SCFD2: variants seen among roughly 807,000 people sequenced by gnomAD.
SCFD2 encodes the protein sec1 family domain-containing protein 2.
In SCFD2, 54 loss-of-function variants were observed where a neutral mutation model predicts 58.9. That is an observed-to-expected ratio of 0.92 (90% CI 0.74 to 1.15). The LOEUF (loss-of-function observed/expected upper bound fraction) is 1.15. SCFD2 is among the 50% of genes most tolerant of loss of function. The pLI, the probability that SCFD2 is intolerant of heterozygous loss-of-function variation, is 0.00. For missense variants in SCFD2, 805 were observed against 836.6 expected (o/e 0.96, Z 0.47); for synonymous variants, 321 against 335.9 (o/e 0.96, Z 0.49).
At chr4:53,266,814 G>C (rs1267582392) in intron 4 of SCFD2, among the ~76,000 whole-genome samples, 1 of 152,208 alleles carries the variant, frequency 6.6e-6, no homozygotes, top group East Asian at 1.9e-4. Flanking sequence ...GAGAAAAAAG[G>C]AGTCATGAAG....
intron 1 of SCFD2, among the ~76,000 whole-genome samples, chr4:53,363,432 A>G (rs1734603888): frequency 6.6e-6 from 1 of 152,016 alleles, no homozygotes; most frequent in Admixed American, 6.6e-5. Context: ...TACAGGCATG[A>G]GCCACTGTGC....
intron 5 of SCFD2, among the ~76,000 whole-genome samples, chr4:53,094,047 G>A (rs1045584273): frequency 2.0e-5 from 3 of 152,102 alleles, no homozygotes; most frequent in Admixed American, 6.6e-5. Flanking sequence ...AAAGTTACAA[G>A]GATGTAGGTT....
chr4:52,959,237 A>T (rs917661756), intron 5 of SCFD2, among the ~76,000 whole-genome samples: 1 of 152,174 alleles, frequency 6.6e-6, no homozygotes, highest in Non-Finnish European at 1.5e-5. Flanking sequence ...GATGTTCAAC[A>T]GGTCACTGCA....
At chr4:52,941,223 G>A (rs1720284946) in intron 5 of SCFD2, among the ~76,000 whole-genome samples, 1 of 152,100 alleles carries the variant, frequency 6.6e-6, no homozygotes, top group South Asian at 2.1e-4. Flanking sequence ...AGTTTCTAGG[G>A]GATGTAATGG....
intron 4 of SCFD2, among the ~76,000 whole-genome samples, chr4:53,185,897 T>C (rs1248228584): frequency 1.3e-5 from 2 of 152,114 alleles, no homozygotes; most frequent in Non-Finnish European, 2.9e-5. Context: ...AGATGCAACA[T>C]GGATAACTTT....
intron 6 of SCFD2, among the ~76,000 whole-genome samples, chr4:52,912,472 C>A (rs1404461907): frequency 3.3e-5 from 5 of 151,680 alleles, no homozygotes; most frequent in Non-Finnish European, 7.4e-5. Flanking sequence ...AATATTAATT[C>A]ATAGAGAAGT....
chr4:53,099,325 T>C (rs563312727), intron 5 of SCFD2, among the ~76,000 whole-genome samples: 170 of 152,334 alleles, frequency 1.1e-3, no homozygotes, highest in African/African-American at 3.8e-3. Flanking sequence ...TAAGTTATCA[T>C]TACATTCCTT....
At chr4:53,338,613 C>G (rs1386702939) in intron 2 of SCFD2, among the ~76,000 whole-genome samples, 1 of 61,252 alleles carries the variant, frequency 1.6e-5, no homozygotes, top group Non-Finnish European at 3.3e-5. Context: ...TGGAGTCTCG[C>G]TCTGTCGCCC....
At chr4:53,164,802 A>C (rs905327604) in intron 4 of SCFD2, among the ~76,000 whole-genome samples, 5 of 148,534 alleles carry the variant, frequency 3.4e-5, no homozygotes, top group African/African-American at 1.3e-4. Flanking sequence ...AAAAAAAAAA[A>C]AAAAGAAGAA....
chr4:53,135,465 G>A (rs924074538), intron 5 of SCFD2, among the ~76,000 whole-genome samples: 5 of 152,206 alleles, frequency 3.3e-5, no homozygotes, highest in African/African-American at 9.7e-5. Context: ...GCTAGGCGTG[G>A]TGGCTCACGC....
At chr4:53,252,965 G>C (rs978950655) in intron 4 of SCFD2, among the ~76,000 whole-genome samples, 1 of 152,026 alleles carries the variant, frequency 6.6e-6, no homozygotes, top group Non-Finnish European at 1.5e-5. Flanking sequence ...TACAAAATGG[G>C]AGAAAATTTT....
chr4:52,938,948 G>T (rs765921948), intron 5 of SCFD2, among the ~76,000 whole-genome samples: 4 of 152,142 alleles, frequency 2.6e-5, no homozygotes, highest in Non-Finnish European at 4.4e-5. Flanking sequence ...AGGGACATGT[G>T]CCACTTCTGA....
chr4:52,920,348 T>C (rs570844669), intron 6 of SCFD2, among the ~76,000 whole-genome samples: 11 of 152,364 alleles, frequency 7.2e-5, no homozygotes, highest in African/African-American at 2.6e-4. Context: ...TCAAAATGTT[T>C]ACGGACTGGT....
intron 7 of SCFD2, among the ~76,000 whole-genome samples, chr4:52,905,864 C>T (rs1311709150): frequency 6.6e-6 from 1 of 152,152 alleles, no homozygotes; most frequent in African/African-American, 2.4e-5. Context: ...CAAACAGTGA[C>T]AGAAAATGCA....
chr4:53,066,850 G>T (rs75069397), intron 5 of SCFD2, among the ~76,000 whole-genome samples: 4,665 of 152,048 alleles, frequency 0.031, 86 homozygotes, highest in Middle Eastern at 0.078. Flanking sequence ...CACAGCACTT[G>T]TCACAGCAGC....
At chr4:53,091,333 C>T (rs1206359957) in intron 5 of SCFD2, among the ~76,000 whole-genome samples, 1 of 150,262 alleles carries the variant, frequency 6.7e-6, no homozygotes, top group Non-Finnish European at 1.5e-5. Flanking sequence ...AAAGAATTAA[C>T]TCTCAGCACC....
intron 4 of SCFD2, among the ~76,000 whole-genome samples, chr4:53,222,827 G>GT (rs1476382556): frequency 2.0e-5 from 3 of 152,190 alleles, no homozygotes; most frequent in Non-Finnish European, 4.4e-5. Flanking sequence ...TCTGGTTACT[G>GT]TTATCTTTGA....
intron 5 of SCFD2, among the ~76,000 whole-genome samples, chr4:52,955,406 A>G (rs1720688678): frequency 6.6e-6 from 1 of 152,214 alleles, no homozygotes; most frequent in African/African-American, 2.4e-5. Flanking sequence ...ATTATTGCTA[A>G]TATTTATTAA....
intron 5 of SCFD2, among the ~76,000 whole-genome samples, chr4:53,085,402 A>T (rs933274652): frequency 6.6e-6 from 1 of 152,184 alleles, no homozygotes; most frequent in African/African-American, 2.4e-5. Flanking sequence ...TAAAAATGGA[A>T]AGATATTTCC....
Sources: allele counts gnomAD v4.1 joint callset (sites outside exome capture counted in the v4.1 genomes callset), GRCh38; gene constraint gnomAD v4.1.1; transcripts MANE v1.5; gene names NCBI Gene and HGNC (gene_info 2026-07-23, HGNC 2026-07-21).